The following ZNF471 variants were observed in gnomAD, a reference collection of about 807,000 sequenced individuals.
The protein encoded by ZNF471 is EZFIT-related protein 1.
In ZNF471, 7 loss-of-function variants were observed where a neutral mutation model predicts 13.7. The observed-to-expected ratio is 0.51, with a 90% CI of 0.29 to 0.96. The LOEUF (loss-of-function observed/expected upper bound fraction) is 0.96. Among genes scored for constraint, ZNF471 ranks in the 40% least tolerant of loss-of-function variants. The probability of loss-of-function intolerance (pLI) is 0.08; values close to 1 mark genes in which losing one functional copy is unlikely to be tolerated. For missense variants in ZNF471, 663 were observed against 743.3 expected, an observed-to-expected ratio of 0.89 and a Z score of 1.26; for synonymous variants, 218 against 235.6, an observed-to-expected ratio of 0.93 and a Z score of 0.68.
At position 56,524,174 on chromosome 19, in the gene ZNF471, G is replaced by T; in HGVS notation, c.257-150G>T. The T allele has an allele frequency of 1.8e-6, 1 of 563,088 alleles. No homozygotes were observed. The highest frequency in any genetic ancestry group is 3.2e-5 in the South Asian group (1 of 31,134). 34.9% of individuals were successfully genotyped at this position (563,088 alleles called of 1,614,324 possible). A position where few individuals can be genotyped will look rare whatever the true frequency, so the allele number is the denominator to read the frequency against. ...GTTCCTTCATGAGCTGTCTTTCTTG[G>T]GGTCTCCCTGAATGTTTTCCAGTTG... On this transcript the variant is annotated intron_variant, in intron 4 of 4. Transcript: ENST00000308031. This position sits in a 1 kb window ranked among gnomAD's most constrained non-coding sequence, Gnocchi z 4.8.
rs116465772 is a variant in ZNF471, at chr19:56,518,669, A to G, written c.256+92A>G. 7.3e-4 allele frequency: 764 copies of G among 1,044,768 alleles called. 7 individuals carry two copies. In the African/African-American group the frequency reaches 0.01, roughly 14 times the overall value. 64.7% of individuals were successfully genotyped at this position (1,044,768 alleles called of 1,614,324 possible). A position where few individuals can be genotyped will look rare whatever the true frequency, so the allele number is the denominator to read the frequency against. On this transcript the variant is annotated intron_variant, in intron 4 of 4. Coordinates refer to ENST00000308031, the MANE Select transcript of ZNF471 (RefSeq NM_020813.4). ...TACCTTCTCACTTATGCATCTCAGA[A>G]ACTCTTCATAAGCCTTACAGGCCTG...
rs57149768 is a variant in ZNF471 at position 56,510,909 on chromosome 19, G to A, written c.-55-608G>A. The A allele has an allele frequency of 1.1e-5, 11 of 985,488 alleles. No individual in the cohort carries two copies. Among genetic ancestry groups the A allele is most frequent in the Non-Finnish European group, 1.2e-5 (10 of 830,012 alleles). 61.0% of individuals were successfully genotyped at this position (985,488 alleles called of 1,614,324 possible). On this transcript the variant is annotated intron_variant, in intron 1 of 4. Transcript: ENST00000308031. This position sits in a 1 kb window ranked among gnomAD's most constrained non-coding sequence, Gnocchi z 4.3. ...TTCTGTGTGACAGGAGGGTAATTAA[G>A]GGGCTGGGACAGAGGTGAGAGTGAA...
rs1306032293 is a variant in ZNF471 at position 56,508,553 on chromosome 19, C to A, written c.-56+633C>A. 4.0e-5 allele frequency among the ~76,000 whole-genome samples: 6 copies of A among 149,826 alleles called. No individual in the cohort carries two copies. Among genetic ancestry groups the A allele is most frequent in the Admixed American group, 4.0e-4 (6 of 15,076 alleles). The stretch of plus-strand genomic sequence containing the variant: ...GCCTGTGTGTGAAAGGCCGGTCGGT[C>A]GGTGGGTGAGGCTCAATGAGAGGCC... On this transcript the variant is annotated intron_variant, in intron 1 of 4. Coordinates refer to ENST00000308031, the MANE Select transcript of ZNF471 (RefSeq NM_020813.4). The surrounding 1 kb of genome is among the most constrained non-coding windows in gnomAD (Gnocchi z 4.7).
At chr19:56,520,055 G>A (rs904316824) in intron 4 of ZNF471, among the ~76,000 whole-genome samples, 8 of 152,202 alleles carry the variant, frequency 5.3e-5, no homozygotes, top group Non-Finnish European at 1.2e-4. Context: ...TGTGGATAAG[G>A]AGGGATGACT....
chr19:56,518,465 C>CT lies in ZNF471; in HGVS notation c.161-9dup, dbSNP rs572432854. 726 of 1,599,514 alleles carry CT rather than the reference C, an allele frequency of 4.5e-4. No homozygotes were observed. The highest frequency in any genetic ancestry group is 5.8e-4 in the Non-Finnish European group (677 of 1,170,760). ...CCCAAAACATGACCAATTTTCATGT[C>CT]TTTTTTTTATATGTAGGTCTTTGCA... is the stretch of plus-strand genomic sequence containing the variant. On this transcript the variant is annotated splice_polypyrimidine_tract_variant and intron_variant, in intron 3 of 4. Coordinates refer to ENST00000308031, the MANE Select transcript of ZNF471 (RefSeq NM_020813.4).
intron 4 of ZNF471, among the ~76,000 whole-genome samples, chr19:56,520,280 G>A (rs750523515): frequency 2.0e-5 from 3 of 152,064 alleles, no homozygotes. Context: ...AAGTATTATT[G>A]TATGCATAAG....
intron 1 of ZNF471, chr19:56,509,790 G>A (rs1427101261): frequency 1.1e-6 from 1 of 916,246 alleles, no homozygotes; most frequent in African/African-American, 1.8e-5. Flanking sequence ...ACTGTTTTGT[G>A]TTGTGTGAGT....
chr19:56,509,868 G>C (rs1474606901), intron 1 of ZNF471: 1 of 985,230 alleles, frequency 1.0e-6, no homozygotes, highest in Admixed American at 6.2e-5. Context: ...TGGATTGTGA[G>C]AATCCAGAGT....
In ZNF471 at chr19:56,522,740, C is replaced by CT. The variant is rs200721043; in HGVS notation, c.257-1571dup. Among the ~76,000 whole-genome samples the CT allele has an allele frequency of 2.0e-3, 286 of 142,794 alleles. 1 individual carries two copies. The highest frequency in any genetic ancestry group is 0.019 in the Middle Eastern group (5 of 268). 93.7% of individuals were successfully genotyped at this position (142,794 alleles called of 152,430 possible). A position where few individuals can be genotyped will look rare whatever the true frequency, so the allele number is the denominator to read the frequency against. On this transcript the variant is annotated intron_variant, in intron 4 of 4. Transcript: ENST00000308031. The surrounding 1 kb of genome is among the most constrained non-coding windows in gnomAD (Gnocchi z 4.1). ...GTAGCAATATATTTTTTCTTTTTTT[C>CT]TTTTTTTTTTTTTGAGATGGAGTTT...
In ZNF471 at chr19:56,508,679, CAGTG is replaced by C. The variant is rs1375798511; in HGVS notation, c.-56+764_-56+767del. Among the ~76,000 whole-genome samples, 3 of 151,788 alleles carry C rather than the reference CAGTG, an allele frequency of 2.0e-5. No individual in the cohort carries two copies. Among genetic ancestry groups the C allele is most frequent in the Admixed American group, 6.6e-5 (1 of 15,238 alleles). On this transcript the variant is annotated intron_variant, in intron 1 of 4. Transcript: ENST00000308031. This position sits in a 1 kb window ranked among gnomAD's most constrained non-coding sequence, Gnocchi z 4.7. ...GTATGTTAATGTGTGAAAGGGAGAC[CAGTG>C]AGTGTGAGAAATGGGTGTTTTGGGT... is the stretch of plus-strand genomic sequence containing the variant.
In ZNF471 at chr19:56,528,612, C is replaced by T. The variant is rs1246751177; in HGVS notation, c.*2664C>T. ...CTTAACATTTAATATTATAATAAGACATCACAGCGGCTGTCTCATGATTAA... is the reference window on the plus strand; with the variant it reads ...CTTAACATTTAATATTATAATAAGATATCACAGCGGCTGTCTCATGATTAA... On this transcript the variant is annotated 3_prime_UTR_variant, in exon 5 of 5. Transcript: ENST00000308031. 1 of 152,162 alleles carries T rather than the reference C, an allele frequency of 6.6e-6. No individual in the cohort carries two copies. The highest frequency in any genetic ancestry group is 1.5e-5 in the Non-Finnish European group (1 of 68,024). The allele number at this position is 152,162 out of a possible 1,614,324, so 9.4% of individuals were successfully genotyped here.
chr19:56,521,659 A>AAAAC (rs2043975656), intron 4 of ZNF471, among the ~76,000 whole-genome samples: 1 of 149,172 alleles, frequency 6.7e-6, no homozygotes, highest in African/African-American at 2.5e-5. Flanking sequence ...AAAAAAAAAA[A>AAAAC]CTCTTCTATT....
chr19:56,515,906 T>G (rs1009383590), intron 2 of ZNF471, among the ~76,000 whole-genome samples: 2 of 152,192 alleles, frequency 1.3e-5, no homozygotes, highest in Non-Finnish European at 2.9e-5. Context: ...TCAGCTACAT[T>G]AGTTCAATGC....
intron 4 of ZNF471, among the ~76,000 whole-genome samples, chr19:56,521,010 C>T (rs2043963142): frequency 6.6e-6 from 1 of 152,200 alleles, no homozygotes; most frequent in Non-Finnish European, 1.5e-5. Flanking sequence ...AAAGTCACTT[C>T]TTACATGGTG....
chr19:56,510,829 A>G lies in ZNF471; in HGVS notation c.-55-688A>G, dbSNP rs2043799750. 2 of 985,358 alleles carry G rather than the reference A, an allele frequency of 2.0e-6. No homozygotes were observed. Among genetic ancestry groups the G allele is most frequent in the South Asian group, 9.4e-5 (2 of 21,290 alleles). The allele number at this position is 985,358 out of a possible 1,614,324, so 61.0% of individuals were successfully genotyped here. On this transcript the variant is annotated intron_variant, in intron 1 of 4. Transcript: ENST00000308031. This position sits in a 1 kb window ranked among gnomAD's most constrained non-coding sequence, Gnocchi z 4.3. Reference sequence around the variant, plus strand: ...CTGTCCCCAGTCCAAGGGTTTCAGTAAGAAGCAAAGCTGGGGTGACTGAAG... The same window carrying G: ...CTGTCCCCAGTCCAAGGGTTTCAGTGAGAAGCAAAGCTGGGGTGACTGAAG...
Position 56,529,511 on chromosome 19 carries a change from G to A in ZNF471, c.*3563G>A, listed in dbSNP as rs2044084344. The A allele has an allele frequency of 6.6e-6, 1 of 152,174 alleles. No homozygotes were observed. The highest frequency in any genetic ancestry group is 1.5e-5 in the Non-Finnish European group (1 of 68,028). 9.4% of individuals were successfully genotyped at this position (152,174 alleles called of 1,614,324 possible). A position where few individuals can be genotyped will look rare whatever the true frequency, so the allele number is the denominator to read the frequency against. ...GATTTAAACCTTTTTCATGGCGTAA[G>A]ATACTGTATGCAAAGTTAAAAGGCA... On this transcript the variant is annotated 3_prime_UTR_variant, in exon 5 of 5. Coordinates refer to ENST00000308031, the MANE Select transcript of ZNF471 (RefSeq NM_020813.4).
Position 56,524,729 on chromosome 19 carries a change from T to G in ZNF471, c.662T>G (p.Leu221Arg), listed in dbSNP as rs781344777. 2 of 1,602,776 alleles carry G rather than the reference T, an allele frequency of 1.2e-6. No homozygotes were observed. Among genetic ancestry groups the G allele is most frequent in the Admixed American group, 3.5e-5 (2 of 57,478 alleles). Residue 221 changes from leucine (L) to arginine (R), a missense_variant, in exon 5 of 5, where the codon CTT becomes CGT. Transcript: ENST00000308031. The surrounding 1 kb of genome is among the most constrained non-coding windows in gnomAD (Gnocchi z 4.8). ...AAAACCTTCACCCATAGCTCATCCC[T>G]TACTGTTCATTTTAGAATTCATACT... ...CDKTFTHSSS[L>R]TVHFRIHTGE... is the part of the protein sequence containing the mutation.
At chr19:56,509,355 A>G (rs1019162651) in intron 1 of ZNF471, among the ~76,000 whole-genome samples, 1 of 152,230 alleles carries the variant, frequency 6.6e-6, no homozygotes, top group South Asian at 2.1e-4. Flanking sequence ...CCCTTCCTAT[A>G]TAACCTTGTC....
intron 2 of ZNF471, among the ~76,000 whole-genome samples, chr19:56,511,893 G>A (rs2043817470): frequency 6.6e-6 from 1 of 152,118 alleles, no homozygotes; most frequent in Non-Finnish European, 1.5e-5. Flanking sequence ...ATATACATGT[G>A]GATATGTTAG....
Sources: allele counts gnomAD v4.1 joint callset (sites outside exome capture counted in the v4.1 genomes callset), GRCh38; gene constraint gnomAD v4.1.1; non-coding constraint Gnocchi (gnomAD v3.1); transcripts MANE v1.5; gene names NCBI Gene and HGNC (gene_info 2026-07-23, HGNC 2026-07-21).